Variants in SLC30A4 observed in about 807,000 individuals in gnomAD.
SLC30A4 encodes the protein probable proton-coupled zinc antiporter SLC30A4.
A neutral mutation model predicts 41.7 loss-of-function variants in SLC30A4; 20 were observed. That is an observed-to-expected ratio of 0.48 (90% CI 0.34 to 0.70). SLC30A4 has a LOEUF of 0.70. SLC30A4 is among the 30% of genes least tolerant of loss of function. The probability of loss-of-function intolerance (pLI) is 0.01; values close to 1 mark genes in which losing one functional copy is unlikely to be tolerated. For synonymous variants in SLC30A4, 181 were observed against 195.9 expected, an observed-to-expected ratio of 0.92 and a Z score of 0.64; for missense variants, 441 against 529.3, an observed-to-expected ratio of 0.83 and a Z score of 1.64.
At chr15:45,510,232 C>T (rs965405469) in intron 3 of SLC30A4, among the ~76,000 whole-genome samples, 2 of 152,034 alleles carry the variant, frequency 1.3e-5, no homozygotes, top group African/African-American at 4.8e-5. Flanking sequence ...GCCTGGGCAA[C>T]AGAGCAAGAC....
chr15:45,483,267 T>C lies in SLC30A4; in HGVS notation c.*1896A>G, dbSNP rs1040908260. Reference sequence around the variant, plus strand: ...AAATGTTTCCTATTCTTCATTTATATTGTAAGTCATCTGCATGCTTATCTA... The same window carrying C: ...AAATGTTTCCTATTCTTCATTTATACTGTAAGTCATCTGCATGCTTATCTA... On this transcript the variant is annotated 3_prime_UTR_variant, in exon 8 of 8. Coordinates refer to ENST00000261867, the MANE Select transcript of SLC30A4 (RefSeq NM_013309.6). 1 of 152,230 alleles carries C rather than the reference T, an allele frequency of 6.6e-6. No homozygotes were observed. Among genetic ancestry groups the C allele is most frequent in the East Asian group, 1.9e-4 (1 of 5,204 alleles). 9.4% of individuals were successfully genotyped at this position (152,230 alleles called of 1,614,324 possible).
chr15:45,493,962 T>C (rs1891860059), intron 3 of SLC30A4, among the ~76,000 whole-genome samples: 2 of 152,098 alleles, frequency 1.3e-5, no homozygotes, highest in African/African-American at 2.4e-5. Context: ...AATCATACTT[T>C]GAAAGAGATT....
chr15:45,487,991 G>GTC (rs1566875031), intron 5 of SLC30A4, among the ~76,000 whole-genome samples: 1 of 150,794 alleles, frequency 6.6e-6, no homozygotes, highest in African/African-American at 2.5e-5. Context: ...GTGTGTGTGT[G>GTC]TGTGTGTGTG....
chr15:45,493,687 G>A (rs916550096), intron 3 of SLC30A4, among the ~76,000 whole-genome samples: 36 of 152,128 alleles, frequency 2.4e-4, no homozygotes, highest in African/African-American at 7.9e-4. Flanking sequence ...TTAGCTGGGC[G>A]TGGTGGCGGG....
intron 2 of SLC30A4, among the ~76,000 whole-genome samples, chr15:45,514,347 G>A (rs1264551748): frequency 1.5e-5 from 2 of 134,204 alleles, no homozygotes; most frequent in Non-Finnish European, 3.1e-5. Context: ...GGCAACAAGA[G>A]TGGAACTCTG....
At chr15:45,490,659 G>C in intron 4 of SLC30A4, 69 bp downstream of exon 4, 6 of 924,546 alleles carry the variant, frequency 6.5e-6, no homozygotes, top group Non-Finnish European at 9.8e-6. Flanking sequence ...GAATATTACT[G>C]AATGCATATG....
At chr15:45,513,857 A>G (rs1405948325) in intron 2 of SLC30A4, 1 of 152,196 alleles carries the variant, frequency 6.6e-6, no homozygotes, top group Non-Finnish European at 1.5e-5. Context: ...AGGACGTGCA[A>G]GGATGTTTTT....
At position 45,479,869 on chromosome 15, in the gene SLC30A4, CTTAA is replaced by C. The variant is rs1275414870; in HGVS notation, c.*5290_*5293del. Reference sequence around the variant, plus strand: ...TATATATATATATATATACTTTGATCTTAATTAACATGGACAAACCCCAGCTTCA... The same window carrying C: ...TATATATATATATATATACTTTGATCTTAACATGGACAAACCCCAGCTTCA... On this transcript the variant is annotated 3_prime_UTR_variant, in exon 8 of 8. Coordinates refer to ENST00000261867, the MANE Select transcript of SLC30A4 (RefSeq NM_013309.6). 1 of 151,188 alleles carries C rather than the reference CTTAA, an allele frequency of 6.6e-6. No homozygotes were observed. Among genetic ancestry groups the C allele is most frequent in the South Asian group, 2.1e-4 (1 of 4,804 alleles). The allele number at this position is 151,188 out of a possible 1,614,324, so 9.4% of individuals were successfully genotyped here.
At position 45,522,377 on chromosome 15, in the gene SLC30A4, T is replaced by G. The variant is rs1416679009; in HGVS notation, c.-23A>C. On this transcript the variant is annotated 5_prime_UTR_variant, in exon 2 of 8. Coordinates refer to ENST00000261867, the MANE Select transcript of SLC30A4 (RefSeq NM_013309.6). ...CATGGCAGAGGCTGAGCGGCCGCGG[T>G]GCGGAACGGCTTGGGGGAGGCGGAC... 6.3e-7 allele frequency: 1 copy of G among 1,578,694 alleles called. No homozygotes were observed.
chr15:45,516,750 G>A (rs145978452), intron 2 of SLC30A4, among the ~76,000 whole-genome samples: 262 of 152,108 alleles, frequency 1.7e-3, no homozygotes, highest in African/African-American at 6.1e-3. Flanking sequence ...TGCACCTGTA[G>A]TCCCAGCTAC....
At chr15:45,518,352 T>C (rs1423252878) in intron 2 of SLC30A4, among the ~76,000 whole-genome samples, 1 of 152,208 alleles carries the variant, frequency 6.6e-6, no homozygotes, top group Non-Finnish European at 1.5e-5. Flanking sequence ...TTAATGATTG[T>C]CTCTTCCATT....
intron 3 of SLC30A4, among the ~76,000 whole-genome samples, chr15:45,496,321 T>G (rs778779891): frequency 2.6e-4 from 39 of 152,144 alleles, no homozygotes; most frequent in Non-Finnish European, 4.4e-4. Flanking sequence ...TCCCTCCCAC[T>G]CCCCCATTTA....
At chr15:45,501,743 A>G (rs1057082366) in intron 3 of SLC30A4, among the ~76,000 whole-genome samples, 2 of 151,980 alleles carry the variant, frequency 1.3e-5, no homozygotes, top group African/African-American at 4.8e-5. Context: ...GGGCTCAAGC[A>G]AACTTCCTAC....
chr15:45,515,377 G>C (rs376861490), intron 2 of SLC30A4, among the ~76,000 whole-genome samples: 1 of 151,954 alleles, frequency 6.6e-6, no homozygotes, highest in Admixed American at 6.6e-5. Flanking sequence ...AATTTCGGCC[G>C]GGCGTGGTGG....
At chr15:45,521,419 C>T (rs1282138805) in intron 2 of SLC30A4, among the ~76,000 whole-genome samples, 1 of 152,002 alleles carries the variant, frequency 6.6e-6, no homozygotes, top group Non-Finnish European at 1.5e-5. Context: ...ATAAAAGAAA[C>T]CACTTAGGTC....
At chr15:45,493,167 G>A (rs1406395808) in intron 3 of SLC30A4, among the ~76,000 whole-genome samples, 4 of 152,172 alleles carry the variant, frequency 2.6e-5, no homozygotes, top group African/African-American at 9.6e-5. Flanking sequence ...AACTCCTTGG[G>A]AGGCTGAGGC....
At chr15:45,514,780 G>A (rs1463963521) in intron 2 of SLC30A4, among the ~76,000 whole-genome samples, 2 of 152,124 alleles carry the variant, frequency 1.3e-5, no homozygotes, top group Non-Finnish European at 2.9e-5. Context: ...GTCCCAAAGT[G>A]CTAGGATTAC....
intron 2 of SLC30A4, chr15:45,520,891 G>A (rs1815853267): frequency 2.1e-5 from 8 of 373,456 alleles, no homozygotes; most frequent in Non-Finnish European, 3.2e-5. Flanking sequence ...GTCAAAAAAT[G>A]TTTGAAAGCC....
chr15:45,499,837 A>C (rs1276835868), intron 3 of SLC30A4, among the ~76,000 whole-genome samples: 3 of 152,184 alleles, frequency 2.0e-5, no homozygotes, highest in Non-Finnish European at 4.4e-5. Context: ...ATAAAACAAT[A>C]ATGAAAGAAA....
Sources: allele counts gnomAD v4.1 joint callset (sites outside exome capture counted in the v4.1 genomes callset), GRCh38; gene constraint gnomAD v4.1.1; transcripts MANE v1.5; gene names NCBI Gene and HGNC (gene_info 2026-07-23, HGNC 2026-07-21).